MED13L: variants seen among roughly 807,000 people sequenced by gnomAD.
MED13L encodes mediator complex subunit 13L.
In MED13L, 7 loss-of-function variants were observed where a neutral mutation model predicts 220.9. The observed-to-expected ratio is 0.03, with a 90% CI of 0.02 to 0.06. The LOEUF (loss-of-function observed/expected upper bound fraction) is 0.06, where lower values mean the gene tolerates loss of function less well. Ranked by LOEUF, MED13L falls within the 10% of genes least tolerant of loss-of-function variation. MED13L has a pLI of 1.00. For missense variants in MED13L, 1,965 were observed against 2,760.5 expected (o/e 0.71, Z 6.46); for synonymous variants, 1,011 against 1,015.2 (o/e 1.00, Z 0.08).
chr12:116,034,292 A>G (rs1244267092), intron 4 of MED13L, among the ~76,000 whole-genome samples: 2 of 152,136 alleles, frequency 1.3e-5, no homozygotes, highest in African/African-American at 2.4e-5. Context: ...TAGATGCTAC[A>G]TTAGAGTTTC....
chr12:116,268,966 G>C (rs191217143), intron 1 of MED13L, among the ~76,000 whole-genome samples: 98 of 152,140 alleles, frequency 6.4e-4, no homozygotes, highest in African/African-American at 2.2e-3. Context: ...TTTATTTTAA[G>C]TTCTGGGGTA....
chr12:116,230,970 TA>T (rs2138431365), intron 2 of MED13L, among the ~76,000 whole-genome samples: 1 of 152,288 alleles, frequency 6.6e-6, no homozygotes, highest in South Asian at 2.1e-4. Flanking sequence ...TGCTAAGCAA[TA>T]GGGGCTATTC....
At chr12:116,099,403 G>A (rs540859394) in intron 3 of MED13L, among the ~76,000 whole-genome samples, 2 of 152,218 alleles carry the variant, frequency 1.3e-5, no homozygotes, top group East Asian at 1.9e-4. Context: ...AAGCAATACG[G>A]CACGTAACAG....
intron 2 of MED13L, among the ~76,000 whole-genome samples, chr12:116,199,130 T>C (rs1881840808): frequency 6.6e-6 from 1 of 152,230 alleles, no homozygotes; most frequent in African/African-American, 2.4e-5. Flanking sequence ...GGGAATCTAA[T>C]ACTAGCCACC....
At chr12:115,964,668 A>C (rs1876017088) in intron 29 of MED13L, among the ~76,000 whole-genome samples, 1 of 152,090 alleles carries the variant, frequency 6.6e-6, no homozygotes, top group South Asian at 2.1e-4. Context: ...TAATGATCAC[A>C]CTGTCCCATC....
At chr12:116,261,531 A>G (rs916687705) in intron 1 of MED13L, among the ~76,000 whole-genome samples, 4 of 151,360 alleles carry the variant, frequency 2.6e-5, no homozygotes, top group East Asian at 1.9e-4. Flanking sequence ...CAGGCAGATT[A>G]TAAGTGCTAA....
chr12:116,019,169 A>T (rs1371257711), intron 7 of MED13L, 55 bp downstream of exon 7: 1 of 1,547,824 alleles, frequency 6.5e-7, no homozygotes, highest in African/African-American at 1.4e-5. Flanking sequence ...TGGCAGGTAG[A>T]CTATACAATT....
intron 3 of MED13L, among the ~76,000 whole-genome samples, chr12:116,102,697 CTT>C (rs200752610): frequency 4.1e-5 from 3 of 73,310 alleles, no homozygotes; most frequent in Middle Eastern, 9.4e-3. Flanking sequence ...TTTTCTTTTT[CTT>C]TTTCTTTTTT....
At chr12:116,118,478 TA>T (rs1276151238) in intron 2 of MED13L, among the ~76,000 whole-genome samples, 1 of 152,164 alleles carries the variant, frequency 6.6e-6, no homozygotes, top group Non-Finnish European at 1.5e-5. Flanking sequence ...CAATTTATCA[TA>T]AAAAATTATA....
At chr12:116,232,170 A>C in intron 2 of MED13L, 1 of 981,066 alleles carries the variant, frequency 1.0e-6, no homozygotes, top group Non-Finnish European at 1.2e-6. Flanking sequence ...AAAAATAGAA[A>C]AAGCAATATT....
chr12:116,233,517 C>T (rs1262375904), intron 2 of MED13L, among the ~76,000 whole-genome samples: 1 of 152,124 alleles, frequency 6.6e-6, no homozygotes, highest in African/African-American at 2.4e-5. Context: ...ACCTACTCAG[C>T]CTTTTAGAGG....
chr12:115,975,353 G>A (rs147839187), intron 24 of MED13L, 40 bp from the exon 25 acceptor site: 9 of 1,613,810 alleles, frequency 5.6e-6, no homozygotes, highest in Non-Finnish European at 7.6e-6. Context: ...GGGGTCCCTA[G>A]ATAAATCAGA....
chr12:116,011,272 G>A (rs1879380434), intron 9 of MED13L, among the ~76,000 whole-genome samples: 1 of 152,054 alleles, frequency 6.6e-6, no homozygotes, highest in Admixed American at 6.6e-5. Context: ...ATGGAATGGT[G>A]CCTTGGTATG....
intron 2 of MED13L, among the ~76,000 whole-genome samples, chr12:116,117,336 C>T (rs1359874119): frequency 6.6e-6 from 1 of 152,040 alleles, no homozygotes; most frequent in African/African-American, 2.4e-5. Flanking sequence ...GTGATGCCCC[C>T]CACTCTATAT....
chr12:115,973,138 G>C (rs1477186473), intron 25 of MED13L, among the ~76,000 whole-genome samples: 2 of 152,162 alleles, frequency 1.3e-5, no homozygotes, highest in Non-Finnish European at 2.9e-5. Flanking sequence ...TGAAATAAAA[G>C]TGGCCAGGAA....
intron 4 of MED13L, among the ~76,000 whole-genome samples, chr12:116,084,720 G>A (rs1223070420): frequency 6.6e-6 from 1 of 151,804 alleles, no homozygotes; most frequent in Non-Finnish European, 1.5e-5. Context: ...AAGAGGCGGA[G>A]GTTGCAGTGA....
At position 116,093,967 on chromosome 12, in the gene MED13L, T is replaced by C. The variant is rs140969519; in HGVS notation, c.479+2702A>G. On this transcript the variant is annotated intron_variant, in intron 4 of 30. Coordinates refer to ENST00000281928, the MANE Select transcript of MED13L (RefSeq NM_015335.5). ...TCTTCACTATAACCCTCTAAGACAT[T>C]ATGATTTTCAACTCAATAATAATAA... Among the ~76,000 whole-genome samples the C allele has an allele frequency of 5.3e-5, 8 of 152,226 alleles. No individual in the cohort carries two copies. The East Asian group carries it at 1.5e-3, about 29-fold the overall frequency.
chr12:115,987,552 G>A (rs573504772), intron 17 of MED13L, among the ~76,000 whole-genome samples: 2 of 152,070 alleles, frequency 1.3e-5, no homozygotes, highest in Non-Finnish European at 2.9e-5. Flanking sequence ...GTTTAAAAGT[G>A]GAAAAATGGA....
intron 2 of MED13L, among the ~76,000 whole-genome samples, chr12:116,212,998 A>G (rs11067945): frequency 0.092 from 13,936 of 152,252 alleles, 740 homozygotes; most frequent in East Asian, 0.22. Flanking sequence ...AAAAGAAAAA[A>G]AACTACTACT....
Sources: allele counts gnomAD v4.1 joint callset (sites outside exome capture counted in the v4.1 genomes callset), GRCh38; gene constraint gnomAD v4.1.1; transcripts MANE v1.5; gene names NCBI Gene and HGNC (gene_info 2026-07-23, HGNC 2026-07-21).